SPIDR: variants seen among roughly 807,000 people sequenced by gnomAD.
SPIDR encodes the protein DNA repair-scaffolding protein.
In SPIDR, 93 loss-of-function variants were observed where a neutral mutation model predicts 104.6. The observed-to-expected ratio is 0.89, with a 90% CI of 0.75 to 1.06. The LOEUF (loss-of-function observed/expected upper bound fraction) is 1.06, where lower values mean the gene tolerates loss of function less well. Ranked by LOEUF, SPIDR falls within the 50% of genes least tolerant of loss-of-function variation. The probability of loss-of-function intolerance (pLI) is 0.00; values close to 1 mark genes in which losing one functional copy is unlikely to be tolerated. For synonymous variants in SPIDR, 431 were observed against 416.9 expected (o/e 1.03, Z -0.41); for missense variants, 1,154 against 1,111.2 (o/e 1.04, Z -0.55).
chr8:47,581,759 G>A (rs1189970995), intron 8 of SPIDR, among the ~76,000 whole-genome samples: 1 of 152,132 alleles, frequency 6.6e-6, no homozygotes, highest in Non-Finnish European at 1.5e-5. Flanking sequence ...AAGGAAAAAA[G>A]GGAGGAGAAG....
intron 14 of SPIDR, among the ~76,000 whole-genome samples, chr8:47,703,179 T>C (rs554471525): frequency 2.0e-5 from 3 of 152,362 alleles, no homozygotes; most frequent in African/African-American, 7.2e-5. Context: ...CATGGTTGCA[T>C]ACAACCCAAT....
intron 10 of SPIDR, among the ~76,000 whole-genome samples, chr8:47,634,547 G>A (rs370583890): frequency 6.6e-6 from 1 of 152,304 alleles, no homozygotes; most frequent in African/African-American, 2.4e-5. Context: ...TTCTTCCAGC[G>A]GAAAACCTCC....
At chr8:47,362,834 G>A (rs538220069) in intron 5 of SPIDR, among the ~76,000 whole-genome samples, 8 of 152,152 alleles carry the variant, frequency 5.3e-5, no homozygotes, top group Admixed American at 3.3e-4. Context: ...TGTATTTTTA[G>A]TAGAAACAGA....
chr8:47,346,336 T>G (rs911595144), intron 5 of SPIDR, among the ~76,000 whole-genome samples: 5 of 152,244 alleles, frequency 3.3e-5, no homozygotes, highest in African/African-American at 1.2e-4. Context: ...TCGTGGTGGA[T>G]ACGTTTTTTC....
chr8:47,348,253 T>C (rs1554619710), intron 5 of SPIDR, among the ~76,000 whole-genome samples: 1 of 152,214 alleles, frequency 6.6e-6, no homozygotes, highest in Admixed American at 6.5e-5. Flanking sequence ...AATTCTTTTC[T>C]TTAAGAATGT....
intron 5 of SPIDR, among the ~76,000 whole-genome samples, chr8:47,344,079 A>G (rs1177902086): frequency 2.0e-5 from 3 of 151,370 alleles, no homozygotes; most frequent in African/African-American, 7.3e-5. Context: ...TTAACTCGTC[A>G]TCTACATTAG....
intron 5 of SPIDR, among the ~76,000 whole-genome samples, chr8:47,361,277 T>A (rs2055857547): frequency 6.6e-6 from 1 of 152,186 alleles, no homozygotes; most frequent in Admixed American, 6.5e-5. Flanking sequence ...AATCATTAAT[T>A]TTTATAAGAA....
At chr8:47,640,709 G>A (rs373113079) in intron 10 of SPIDR, among the ~76,000 whole-genome samples, 11 of 151,738 alleles carry the variant, frequency 7.2e-5, no homozygotes, top group African/African-American at 1.9e-4. Context: ...ACGGAGCCTC[G>A]CTCTATCGCC....
intron 8 of SPIDR, among the ~76,000 whole-genome samples, chr8:47,558,757 A>C (rs2056685713): frequency 6.6e-6 from 1 of 152,072 alleles, no homozygotes; most frequent in African/African-American, 2.4e-5. Flanking sequence ...CTCCTGCCTC[A>C]GCCTCCCAAG....
In SPIDR at chr8:47,693,397, T is replaced by G. The variant is rs139992238; in HGVS notation, c.1686-7006T>G. Reference sequence around the variant, plus strand: ...AGAAGAAATCAGGGCTCATGAAAAATTCTCATACTGAAGCGTTGAGGGACA... The same window carrying G: ...AGAAGAAATCAGGGCTCATGAAAAAGTCTCATACTGAAGCGTTGAGGGACA... On this transcript the variant is annotated intron_variant, in intron 11 of 19. Transcript: ENST00000297423. 4.6e-3 allele frequency among the ~76,000 whole-genome samples: 705 copies of G among 152,276 alleles called. 10 individuals carry two copies. Among genetic ancestry groups the G allele is most frequent in the African/African-American group, 0.016 (671 of 41,566 alleles).
At chr8:47,664,306 G>T (rs540103132) in intron 10 of SPIDR, among the ~76,000 whole-genome samples, 43 of 152,304 alleles carry the variant, frequency 2.8e-4, no homozygotes, top group South Asian at 2.7e-3. Flanking sequence ...ACTAGTGGGG[G>T]TAGGTGGGAA....
rs1554561169 is a variant in SPIDR, at chr8:47,284,040, G to A, written c.202G>A (p.Glu68Lys). 9.7e-4 allele frequency: 1,560 copies of A among 1,610,952 alleles called. 4 individuals are homozygous for A. Among genetic ancestry groups the A allele is most frequent in the Non-Finnish European group, 1.1e-3 (1,241 of 1,178,674 alleles). ...ATTTTGCCTACAGTCATTAACAGCT[G>A]AAGAGAAGACGATTACAGAAAAGCA... The part of the protein sequence containing the change: ...NTSGNPSLTA[E>K]EKTITEKHLE... Residue 68 changes from glutamate (E) to lysine (K), a missense_variant, in exon 3 of 20, where the codon GAA becomes AAA. Glu to Lys is a moderately conservative substitution (Grantham distance 56, BLOSUM62 1). Transcript: ENST00000297423.
chr8:47,453,748 A>T (rs1335756705), intron 8 of SPIDR, among the ~76,000 whole-genome samples: 2 of 152,246 alleles, frequency 1.3e-5, no homozygotes, highest in Non-Finnish European at 2.9e-5. Context: ...CTAAAAGCAT[A>T]AAAACCCTAG....
intron 10 of SPIDR, among the ~76,000 whole-genome samples, chr8:47,639,954 A>C (rs2068604218): frequency 6.6e-6 from 1 of 151,986 alleles, no homozygotes; most frequent in Non-Finnish European, 1.5e-5. Context: ...GAGATTTATT[A>C]ATGGATTTTA....
At chr8:47,441,291 C>T (rs1341709363) in intron 8 of SPIDR, among the ~76,000 whole-genome samples, 1 of 152,056 alleles carries the variant, frequency 6.6e-6, no homozygotes, top group Non-Finnish European at 1.5e-5. Context: ...TTTTTCTTCT[C>T]CTTTACAAAC....
At chr8:47,280,188 CAAGTTAGT>C (rs1200197272) in intron 2 of SPIDR, among the ~76,000 whole-genome samples, 171 bp downstream of exon 2, 1 of 151,656 alleles carries the variant, frequency 6.6e-6, no homozygotes, top group Non-Finnish European at 1.5e-5. Context: ...ATAATTGTGG[CAAGTTAGT>C]AAGTTAGTAT....
At chr8:47,297,033 T>G (rs1244836199) in intron 5 of SPIDR, among the ~76,000 whole-genome samples, 1 of 152,220 alleles carries the variant, frequency 6.6e-6, no homozygotes, top group South Asian at 2.1e-4. Context: ...TTCAGGTACT[T>G]CATTCTTAGA....
chr8:47,327,599 G>T (rs1168943844), intron 5 of SPIDR, among the ~76,000 whole-genome samples: 1 of 152,004 alleles, frequency 6.6e-6, no homozygotes, highest in Non-Finnish European at 1.5e-5. Context: ...GTCCTGTTCT[G>T]TTGCCCAGGT....
chr8:47,332,034 A>T (rs1261924470), intron 5 of SPIDR, among the ~76,000 whole-genome samples: 2 of 73,794 alleles, frequency 2.7e-5, no homozygotes, highest in Non-Finnish European at 4.9e-5. Flanking sequence ...GTTTTAGGGT[A>T]CATGTGCACA....
Sources: gnomAD v4.1 joint callset for allele counts (sites outside exome capture counted in the v4.1 genomes callset) on GRCh38, gnomAD v4.1.1 for gene constraint, MANE v1.5 for transcripts, NCBI Gene and HGNC (gene_info 2026-07-23, HGNC 2026-07-21) for gene names.